The following CHPT1 variants were observed in gnomAD, a reference collection of about 807,000 sequenced individuals.
CHPT1 encodes the protein cholinephosphotransferase 1.
A neutral mutation model predicts 47.6 loss-of-function variants in CHPT1; 36 were observed. That is an observed-to-expected ratio of 0.76 (90% CI 0.58 to 1.00). The LOEUF is 1.00. Among genes scored for constraint, CHPT1 ranks in the 50% least tolerant of loss-of-function variants. CHPT1 has a pLI of 0.00. For missense variants in CHPT1, 458 were observed against 498.1 expected, an observed-to-expected ratio of 0.92 and a Z score of 0.77; for synonymous variants, 194 against 186.3, an observed-to-expected ratio of 1.04 and a Z score of -0.33.
intron 1 of CHPT1, among the ~76,000 whole-genome samples, chr12:101,711,105 T>C (rs1217079808): frequency 6.7e-6 from 1 of 148,222 alleles, no homozygotes; most frequent in African/African-American, 2.4e-5. Context: ...AAGAATGAAA[T>C]TGGACCTTAT....
At chr12:101,716,931 G>A in intron 4 of CHPT1, 119 bp downstream of exon 4, 1 of 577,098 alleles carries the variant, frequency 1.7e-6, no homozygotes, top group Non-Finnish European at 2.9e-6. Context: ...TTTTTTAATT[G>A]GTGTATTTAA....
At position 101,711,156 on chromosome 12, in the gene CHPT1, A is replaced by G. The variant is rs373400972; in HGVS notation, c.274-2934A>G. On this transcript the variant is annotated intron_variant, in intron 1 of 8. Transcript: ENST00000229266. ...AAAATAAACTCAAAATGGATAAAATACCTAAATATAAGAACAAAAACTGTA... is the reference window on the plus strand; with the variant it reads ...AAAATAAACTCAAAATGGATAAAATGCCTAAATATAAGAACAAAAACTGTA... Among the ~76,000 whole-genome samples, 5 of 148,708 alleles carry G rather than the reference A, an allele frequency of 3.4e-5. No homozygotes were observed. In the East Asian group the frequency reaches 1.0e-3, roughly 30 times the overall value.
chr12:101,715,899 C>T (rs981449981), intron 3 of CHPT1, among the ~76,000 whole-genome samples: 1 of 152,074 alleles, frequency 6.6e-6, no homozygotes, highest in Non-Finnish European at 1.5e-5. Flanking sequence ...AGGGTATGAT[C>T]AGCATCTTAA....
At position 101,723,163 on chromosome 12, in the gene CHPT1, C is replaced by T. The variant is rs902632960; in HGVS notation, c.781-5C>T. On this transcript the variant is annotated splice_polypyrimidine_tract_variant and splice_region_variant and intron_variant, in intron 5 of 8. Transcript: ENST00000229266. ...GTGATACTGATTTTCTGCTTTATCC[C>T]TTAGGGCACCAGTGTCTTGTCACCT... The T allele has an allele frequency of 6.2e-7, 1 of 1,609,546 alleles. No individual in the cohort carries two copies.
chr12:101,698,202 G>A (rs1237686855), intron 1 of CHPT1, 68 bp downstream of exon 1: 23 of 1,370,086 alleles, frequency 1.7e-5, no homozygotes, highest in East Asian at 3.1e-5. Flanking sequence ...AGGCGCCGGG[G>A]GAAGGGCGGA....
At chr12:101,712,960 C>G (rs1951716093) in intron 1 of CHPT1, among the ~76,000 whole-genome samples, 1 of 148,452 alleles carries the variant, frequency 6.7e-6, no homozygotes, top group Non-Finnish European at 1.5e-5. Context: ...TTACTGAATG[C>G]CAAACCTTGT....
intron 4 of CHPT1, chr12:101,719,758 G>T: frequency 4.2e-6 from 1 of 237,340 alleles, no homozygotes; most frequent in Non-Finnish European, 8.3e-6. Context: ...TGGTTTGGTG[G>T]ATTCATCTTT....
chr12:101,719,838 T>C, intron 4 of CHPT1: 1 of 222,550 alleles, frequency 4.5e-6, no homozygotes, highest in South Asian at 7.3e-5. Flanking sequence ...GTTATCTCAA[T>C]TGATTGCTCA....
intron 1 of CHPT1, among the ~76,000 whole-genome samples, chr12:101,703,948 T>A (rs931537997): frequency 6.6e-6 from 1 of 152,240 alleles, no homozygotes; most frequent in African/African-American, 2.4e-5. Flanking sequence ...GGGTAGAAAG[T>A]CTACCTTTAA....
chr12:101,714,623 T>A lies in CHPT1; in HGVS notation c.541T>A (p.Ser181Thr). ...TTGCGCTCATTGGCAGACTTATGTTTCAGGCATGTTGAGATTTGGAAAGTA... is the reference window on the plus strand; with the variant it reads ...TTGCGCTCATTGGCAGACTTATGTTACAGGCATGTTGAGATTTGGAAAGTA... ...FYCAHWQTYVSGMLRFGKVDV... is the reference protein window; with the variant it reads ...FYCAHWQTYVTGMLRFGKVDV... Residue 181 changes from serine (S) to threonine (T), a missense_variant, in exon 3 of 9, where the codon TCA (serine) becomes ACA (threonine). Ser to Thr is a moderately conservative substitution (Grantham distance 58). Coordinates refer to ENST00000229266, the MANE Select transcript of CHPT1 (RefSeq NM_020244.3). The A allele has an allele frequency of 6.2e-7, 1 of 1,605,902 alleles. No homozygotes were observed. The highest frequency in any genetic ancestry group is 8.5e-7 in the Non-Finnish European group (1 of 1,177,420).
chr12:101,700,323 GAAA>G (rs5800482), intron 1 of CHPT1, among the ~76,000 whole-genome samples: 4 of 132,696 alleles, frequency 3.0e-5, no homozygotes, highest in South Asian at 2.5e-4. Flanking sequence ...AGCCTCATGT[GAAA>G]AAAAAAAAAA....
At chr12:101,706,126 T>C (rs1034286511) in intron 1 of CHPT1, among the ~76,000 whole-genome samples, 4 of 151,452 alleles carry the variant, frequency 2.6e-5, no homozygotes, top group African/African-American at 9.7e-5. Flanking sequence ...CCTAGGTGGG[T>C]GGATCTCAAG....
At chr12:101,710,134 C>A (rs1951686101) in intron 1 of CHPT1, among the ~76,000 whole-genome samples, 1 of 148,576 alleles carries the variant, frequency 6.7e-6, no homozygotes, top group Non-Finnish European at 1.5e-5. Context: ...CATTTAAGGT[C>A]AGGAGTTGGA....
At chr12:101,703,500 C>G (rs1255470037) in intron 1 of CHPT1, among the ~76,000 whole-genome samples, 3 of 152,180 alleles carry the variant, frequency 2.0e-5, no homozygotes, top group Admixed American at 1.3e-4. Context: ...TTATAACCTG[C>G]CTAATTTCCT....
At chr12:101,719,666 T>G in intron 4 of CHPT1, 1 of 366,388 alleles carries the variant, frequency 2.7e-6, no homozygotes, top group Non-Finnish European at 4.9e-6. Flanking sequence ...TAAATTCAAA[T>G]GAACTATCCT....
intron 1 of CHPT1, among the ~76,000 whole-genome samples, chr12:101,703,252 T>G (rs1303518321): frequency 6.6e-6 from 1 of 152,186 alleles, no homozygotes; most frequent in Non-Finnish European, 1.5e-5. Flanking sequence ...AGGGGAATTC[T>G]CTTCACACCC....
At chr12:101,702,638 C>T (rs1951570361) in intron 1 of CHPT1, among the ~76,000 whole-genome samples, 1 of 151,634 alleles carries the variant, frequency 6.6e-6, no homozygotes, top group Middle Eastern at 3.4e-3. Context: ...TAGATTCCTA[C>T]TCAGACTTTT....
chr12:101,716,687 A>G, intron 3 of CHPT1, 41 bp from the exon 4 acceptor site: 2 of 1,339,342 alleles, frequency 1.5e-6, no homozygotes, highest in Non-Finnish European at 2.1e-6. Flanking sequence ...CAGGAATTTT[A>G]TTTACAAACA....
chr12:101,719,845 C>G (rs1951821310), intron 4 of CHPT1: 1 of 223,046 alleles, frequency 4.5e-6, no homozygotes, highest in African/African-American at 2.4e-5. Context: ...CAATTGATTG[C>G]TCACAGTCAG....
Sources: gnomAD v4.1 joint callset for allele counts (sites outside exome capture counted in the v4.1 genomes callset) on GRCh38, gnomAD v4.1.1 for gene constraint, MANE v1.5 for transcripts, NCBI Gene and HGNC (gene_info 2026-07-23, HGNC 2026-07-21) for gene names.